The following DIRAS2 variants were observed in gnomAD, a reference collection of about 807,000 sequenced individuals.
DIRAS2 encodes the protein GTP-binding protein Di-Ras2.
DIRAS2 carries 5 observed loss-of-function variants against 13.9 expected under a neutral mutation model. The observed-to-expected ratio is 0.36, with a 90% confidence interval of 0.19 to 0.76. The LOEUF is 0.76. Ranked by LOEUF, DIRAS2 falls within the 30% of genes least tolerant of loss-of-function variation. The pLI is 0.53. For synonymous variants in DIRAS2, 111 were observed against 105.4 expected, an observed-to-expected ratio of 1.05 and a Z score of -0.33; for missense variants, 191 against 263.0, an observed-to-expected ratio of 0.73 and a Z score of 1.89.
intron 1 of DIRAS2, among the ~76,000 whole-genome samples, chr9:90,640,684 G>C (rs1394679917): frequency 6.6e-6 from 1 of 152,206 alleles, no homozygotes; most frequent in Non-Finnish European, 1.5e-5. Flanking sequence ...TCCACCATAT[G>C]AGTGAGAATT....
rs144748339 is a variant in DIRAS2, at chr9:90,635,019, T to C, written c.-37+7733A>G. The stretch of plus-strand genomic sequence containing the variant: ...ACCTTTTGACTTACTTAGCTCTTAA[T>C]AGCCCCGTTTTACAGATAAGAGAAC... On this transcript the variant is annotated intron_variant, in intron 1 of 1. Transcript: ENST00000375765. Among the ~76,000 whole-genome samples the C allele has an allele frequency of 2.2e-4, 34 of 152,356 alleles. 2 individuals carry two copies. The East Asian group carries it at 5.4e-3, about 24-fold the overall frequency.
chr9:90,621,324 G>A (rs1411367499), intron 1 of DIRAS2, among the ~76,000 whole-genome samples: 3 of 152,124 alleles, frequency 2.0e-5, no homozygotes, highest in Non-Finnish European at 4.4e-5. Flanking sequence ...TCTGGTGATG[G>A]ATAACTGATA....
At chr9:90,614,721 A>G (rs569374826) in intron 1 of DIRAS2, among the ~76,000 whole-genome samples, 1 of 152,218 alleles carries the variant, frequency 6.6e-6, no homozygotes. Context: ...ATCAAAATTA[A>G]GATGATTATA....
intron 1 of DIRAS2, among the ~76,000 whole-genome samples, chr9:90,635,711 G>A (rs1346015769): frequency 1.3e-5 from 2 of 152,244 alleles, no homozygotes; most frequent in African/African-American, 2.4e-5. Flanking sequence ...CCCAGGCCAT[G>A]GGAGACTAGA....
At chr9:90,634,585 T>A (rs1825354718) in intron 1 of DIRAS2, among the ~76,000 whole-genome samples, 2 of 152,032 alleles carry the variant, frequency 1.3e-5, no homozygotes, top group Non-Finnish European at 2.9e-5. Flanking sequence ...CAAAACCATA[T>A]GAATTCAGAG....
chr9:90,621,628 G>C (rs1387072655), intron 1 of DIRAS2, among the ~76,000 whole-genome samples: 5 of 152,202 alleles, frequency 3.3e-5, no homozygotes, highest in Non-Finnish European at 5.9e-5. Context: ...TGCATAGTCA[G>C]TCCCCTTCAT....
intron 1 of DIRAS2, among the ~76,000 whole-genome samples, chr9:90,618,052 A>G (rs1412059716): frequency 1.3e-5 from 2 of 152,200 alleles, no homozygotes; most frequent in Admixed American, 6.5e-5. Context: ...ACTCTGCAGA[A>G]ACTGACAAAC....
intron 1 of DIRAS2, among the ~76,000 whole-genome samples, chr9:90,632,149 G>C (rs2118575720): frequency 6.6e-6 from 1 of 152,266 alleles, no homozygotes; most frequent in East Asian, 1.9e-4. Flanking sequence ...AGCCACTCCA[G>C]TCAATCCTCC....
chr9:90,637,385 G>C (rs895905139), intron 1 of DIRAS2, among the ~76,000 whole-genome samples: 1 of 152,096 alleles, frequency 6.6e-6, no homozygotes, highest in East Asian at 1.9e-4. Context: ...TCATGTTTCT[G>C]AGCCTATCTG....
rs907916555 is a variant in DIRAS2 at position 90,613,080 on chromosome 9, C to G, written c.*148G>C. 8 of 1,190,580 alleles carry G rather than the reference C, an allele frequency of 6.7e-6. No individual in the cohort carries two copies. The highest frequency in any genetic ancestry group is 9.3e-6 in the Non-Finnish European group (8 of 861,420). The allele number at this position is 1,190,580 out of a possible 1,614,324, so 73.8% of individuals were successfully genotyped here. On this transcript the variant is annotated 3_prime_UTR_variant, in exon 2 of 2. Coordinates refer to ENST00000375765, the MANE Select transcript of DIRAS2 (RefSeq NM_017594.5). This position sits in a 1 kb window ranked among gnomAD's most constrained non-coding sequence, Gnocchi z 5.6. ...GTGGCTTACTGTTGGTGGTGTGAAA[C>G]GCCCTCTTAAGGACAATAGGACGCA... is the stretch of plus-strand genomic sequence containing the variant.
At chr9:90,618,906 G>A (rs759870527) in intron 1 of DIRAS2, among the ~76,000 whole-genome samples, 1 of 152,184 alleles carries the variant, frequency 6.6e-6, no homozygotes, top group Non-Finnish European at 1.5e-5. Flanking sequence ...TCACTTGGGA[G>A]GCCGAGGCAG....
At chr9:90,624,083 C>T (rs138414958) in intron 1 of DIRAS2, among the ~76,000 whole-genome samples, 7 of 152,232 alleles carry the variant, frequency 4.6e-5, no homozygotes, top group Admixed American at 3.3e-4. Context: ...ACTTGGTTTC[C>T]GTGAAATGTT....
chr9:90,625,453 T>C (rs1450738909), intron 1 of DIRAS2, among the ~76,000 whole-genome samples: 2 of 152,250 alleles, frequency 1.3e-5, no homozygotes, highest in Non-Finnish European at 2.9e-5. Flanking sequence ...ATGGTTTCAG[T>C]TCTTATGTTT....
Position 90,613,213 on chromosome 9 carries a change from C to A in DIRAS2, c.*15G>T. The A allele has an allele frequency of 6.3e-7, 1 of 1,599,886 alleles. No individual in the cohort carries two copies. Among genetic ancestry groups the A allele is most frequent in the Non-Finnish European group, 8.5e-7 (1 of 1,172,130 alleles). On this transcript the variant is annotated 3_prime_UTR_variant, in exon 2 of 2. Coordinates refer to ENST00000375765, the MANE Select transcript of DIRAS2 (RefSeq NM_017594.5). The surrounding 1 kb of genome is among the most constrained non-coding windows in gnomAD (Gnocchi z 5.6). Reference sequence around the variant, plus strand: ...TGCCGGGGACACACAGCTGCTCCTCCCGCAGGAAGGGCCTTCACATGATCA... The same window carrying A: ...TGCCGGGGACACACAGCTGCTCCTCACGCAGGAAGGGCCTTCACATGATCA...
Position 90,613,005 on chromosome 9 carries a change from G to T in DIRAS2, c.*223C>A. 1.7e-6 allele frequency: 1 copy of T among 585,176 alleles called. No individual in the cohort carries two copies. The highest frequency in any genetic ancestry group is 2.9e-6 in the Non-Finnish European group (1 of 339,952). 36.2% of individuals were successfully genotyped at this position (585,176 alleles called of 1,614,324 possible). On this transcript the variant is annotated 3_prime_UTR_variant, in exon 2 of 2. Transcript: ENST00000375765. The surrounding 1 kb of genome is among the most constrained non-coding windows in gnomAD (Gnocchi z 5.6). ...CTCTCAGTTCCCAGGGATGCTGAGT[G>T]TGTTGGTTTTCACTTGAACCGCCTG...
Position 90,613,945 on chromosome 9 carries a change from T to C in DIRAS2, c.-36-82A>G. The C allele has an allele frequency of 6.1e-6, 8 of 1,318,268 alleles. No individual in the cohort carries two copies. Among genetic ancestry groups the C allele is most frequent in the Non-Finnish European group, 8.2e-6 (8 of 981,584 alleles). The allele number at this position is 1,318,268 out of a possible 1,614,324, so 81.7% of individuals were successfully genotyped here. The stretch of plus-strand genomic sequence containing the variant: ...TAAGGATAGCTCTACCCTCTTTTGA[T>C]AGCTTAAAAATGGGAGGTGATAACA... On this transcript the variant is annotated intron_variant, in intron 1 of 1. Coordinates refer to ENST00000375765, the MANE Select transcript of DIRAS2 (RefSeq NM_017594.5). The surrounding 1 kb of genome is among the most constrained non-coding windows in gnomAD (Gnocchi z 5.6).
At chr9:90,632,642 T>C (rs1451592567) in intron 1 of DIRAS2, among the ~76,000 whole-genome samples, 3 of 152,222 alleles carry the variant, frequency 2.0e-5, no homozygotes, top group Non-Finnish European at 4.4e-5. Context: ...TTTTGTCTGT[T>C]CCATTCATTC....
intron 1 of DIRAS2, among the ~76,000 whole-genome samples, chr9:90,616,898 T>G (rs754660715): frequency 6.6e-6 from 1 of 152,140 alleles, no homozygotes; most frequent in African/African-American, 2.4e-5. Flanking sequence ...TAGGAAAGTA[T>G]ACATTACGCC....
chr9:90,628,522 T>TACACACACAC (rs71360439), intron 1 of DIRAS2, among the ~76,000 whole-genome samples: 2 of 149,154 alleles, frequency 1.3e-5, no homozygotes, highest in African/African-American at 2.5e-5. Context: ...ACAAAATTTA[T>TACACACACAC]ACACACACAC....
Sources: allele counts gnomAD v4.1 joint callset (sites outside exome capture counted in the v4.1 genomes callset), GRCh38; gene constraint gnomAD v4.1.1; non-coding constraint Gnocchi (gnomAD v3.1); transcripts MANE v1.5; gene names NCBI Gene and HGNC (gene_info 2026-07-23, HGNC 2026-07-21).